The following CNTN5 variants were observed in gnomAD, a reference collection of about 807,000 sequenced individuals.
CNTN5 encodes contactin-5.
CNTN5 carries 77 observed loss-of-function variants against 129.1 expected under a neutral mutation model. The ratio of observed to expected loss-of-function variants is 0.60; its 90% CI spans 0.50 to 0.72. The LOEUF (loss-of-function observed/expected upper bound fraction) is 0.72. Among genes scored for constraint, CNTN5 ranks in the 30% least tolerant of loss-of-function variants. The probability of loss-of-function intolerance (pLI) is 0.00; values close to 1 mark genes in which losing one functional copy is unlikely to be tolerated. For missense variants in CNTN5, 1,478 were observed against 1,328.8 expected (o/e 1.11, Z -1.75); for synonymous variants, 509 against 465.6 (o/e 1.09, Z -1.20).
chr11:99,933,577 G>A (rs1429532271), intron 7 of CNTN5, among the ~76,000 whole-genome samples: 2 of 152,090 alleles, frequency 1.3e-5, no homozygotes, highest in African/African-American at 4.8e-5. Context: ...TCCAGAAATT[G>A]TTTTTGAAGA....
At chr11:99,283,027 G>A (rs557382108) in intron 1 of CNTN5, among the ~76,000 whole-genome samples, 1 of 152,134 alleles carries the variant, frequency 6.6e-6, no homozygotes, top group South Asian at 2.1e-4. Flanking sequence ...CCAGAAAGAT[G>A]TCATGTGGCT....
intron 16 of CNTN5, among the ~76,000 whole-genome samples, chr11:100,238,211 A>T (rs887831386): frequency 2.6e-5 from 4 of 152,148 alleles, no homozygotes; most frequent in Admixed American, 2.6e-4. Context: ...ATACTTACTT[A>T]GTAAATATTA....
chr11:99,890,127 A>G (rs1409052755), intron 6 of CNTN5, among the ~76,000 whole-genome samples: 3 of 152,164 alleles, frequency 2.0e-5, no homozygotes. Flanking sequence ...TGGGCAATAT[A>G]TTTGACATGA....
At chr11:100,049,441 A>T (rs191024147) in intron 9 of CNTN5, among the ~76,000 whole-genome samples, 1 of 152,152 alleles carries the variant, frequency 6.6e-6, no homozygotes, top group East Asian at 1.9e-4. Context: ...AAAATAAGAC[A>T]AGAGGAAAAA....
At chr11:99,044,822 T>A (rs1864143150) in intron 1 of CNTN5, among the ~76,000 whole-genome samples, 1 of 152,084 alleles carries the variant, frequency 6.6e-6, no homozygotes, top group Non-Finnish European at 1.5e-5. Context: ...GAAACTCTTA[T>A]GGGGAAATTT....
At chr11:99,504,655 T>C (rs376066977) in intron 2 of CNTN5, among the ~76,000 whole-genome samples, 21 of 152,336 alleles carry the variant, frequency 1.4e-4, no homozygotes, top group African/African-American at 5.0e-4. Flanking sequence ...ATATTTTTAA[T>C]AGAACTTTGG....
intron 2 of CNTN5, among the ~76,000 whole-genome samples, chr11:99,435,773 A>G (rs1943574551): frequency 6.6e-6 from 1 of 152,200 alleles, no homozygotes; most frequent in Middle Eastern, 3.2e-3. Context: ...ACCATCATTT[A>G]TTGGAGAATC....
At chr11:99,905,293 A>G (rs1462346985) in intron 6 of CNTN5, among the ~76,000 whole-genome samples, 1 of 152,160 alleles carries the variant, frequency 6.6e-6, no homozygotes, top group Admixed American at 6.5e-5. Flanking sequence ...TAAGTCTTTA[A>G]TCCAACTTGA....
At chr11:99,228,944 A>G (rs1163477649) in intron 1 of CNTN5, among the ~76,000 whole-genome samples, 1 of 151,576 alleles carries the variant, frequency 6.6e-6, no homozygotes, top group Non-Finnish European at 1.5e-5. Flanking sequence ...TTTTGCCTTT[A>G]TATTTTATCC....
intron 10 of CNTN5, among the ~76,000 whole-genome samples, chr11:100,068,869 T>C (rs1237621367): frequency 6.6e-6 from 1 of 152,180 alleles, no homozygotes; most frequent in Non-Finnish European, 1.5e-5. Flanking sequence ...AAATTCCCTC[T>C]TAGAAACAAG....
At chr11:99,269,068 A>G (rs1863044375) in intron 1 of CNTN5, among the ~76,000 whole-genome samples, 1 of 151,902 alleles carries the variant, frequency 6.6e-6, no homozygotes, top group Admixed American at 6.6e-5. Context: ...CCTCTGTTTT[A>G]TGTTTGTGTT....
At chr11:100,063,706 T>TAAAAAAAAAAAAAAAAAA (rs35896237) in intron 10 of CNTN5, among the ~76,000 whole-genome samples, 172 of 115,210 alleles carry the variant, frequency 1.5e-3, no homozygotes, top group East Asian at 3.1e-3. Flanking sequence ...AACCTGTCTC[T>TAAAAAAAAAAAAAAAAAA]AAAAAAAAAA....
chr11:99,437,508 T>C (rs987263149), intron 2 of CNTN5, among the ~76,000 whole-genome samples: 5 of 152,190 alleles, frequency 3.3e-5, no homozygotes, highest in African/African-American at 9.7e-5. Context: ...TTTTCGTTTT[T>C]AAGCTAGTCA....
intron 1 of CNTN5, among the ~76,000 whole-genome samples, chr11:99,026,928 A>G (rs1173386247): frequency 1.3e-5 from 2 of 151,576 alleles, no homozygotes; most frequent in African/African-American, 4.8e-5. Context: ...CTGATTATAC[A>G]TAAAACATTG....
intron 1 of CNTN5, among the ~76,000 whole-genome samples, chr11:99,216,521 T>C (rs768229986): frequency 2.0e-5 from 3 of 151,972 alleles, no homozygotes; most frequent in Non-Finnish European, 4.4e-5. Context: ...TACCCAGCTG[T>C]GGAAATGCTG....
At chr11:100,200,287 T>C (rs1293435986) in intron 15 of CNTN5, among the ~76,000 whole-genome samples, 1 of 151,940 alleles carries the variant, frequency 6.6e-6, no homozygotes, top group Non-Finnish European at 1.5e-5. Context: ...CTTCACTTTC[T>C]GTAGATTGTC....
At chr11:99,198,096 C>T (rs1387037998) in intron 1 of CNTN5, among the ~76,000 whole-genome samples, 2 of 152,100 alleles carry the variant, frequency 1.3e-5, no homozygotes, top group African/African-American at 2.4e-5. Context: ...CCATGTCTAT[C>T]CCACTGTCTT....
At position 99,772,338 on chromosome 11, in the gene CNTN5, GTTAT is replaced by G. The variant is rs1251942449; in HGVS notation, c.56-47203_56-47200del. Among the ~76,000 whole-genome samples, 6 of 152,080 alleles carry G rather than the reference GTTAT, an allele frequency of 3.9e-5. No homozygotes were observed. The East Asian group carries it at 5.8e-4, about 15-fold the overall frequency. ...AAGTCCGGAATGTATGTAAGGTGGC[GTTAT>G]TTGTTTTACATTTTTCTTGTTTTAT... On this transcript the variant is annotated intron_variant, in intron 3 of 24. Transcript: ENST00000524871.
At chr11:99,529,832 G>A (rs1303615607) in intron 2 of CNTN5, among the ~76,000 whole-genome samples, 16 of 151,944 alleles carry the variant, frequency 1.1e-4, no homozygotes, top group African/African-American at 3.9e-4. Flanking sequence ...AACATGGAGT[G>A]GAGTATGGAA....
Sources: gnomAD v4.1 joint callset for allele counts (sites outside exome capture counted in the v4.1 genomes callset) on GRCh38, gnomAD v4.1.1 for gene constraint, MANE v1.5 for transcripts, NCBI Gene and HGNC (gene_info 2026-07-23, HGNC 2026-07-21) for gene names.